EFCAB3: variants seen among roughly 807,000 people sequenced by gnomAD.
EFCAB3 encodes EF-hand calcium-binding domain-containing protein 3.
Under a neutral mutation model 42.2 loss-of-function variants are expected in EFCAB3, and 36 were observed. The ratio of observed to expected loss-of-function variants is 0.85; its 90% CI spans 0.65 to 1.13. EFCAB3 has a LOEUF of 1.13. Ranked by LOEUF, EFCAB3 falls within the 50% of genes most tolerant of loss-of-function variation. The pLI, the probability that EFCAB3 is intolerant of heterozygous loss-of-function variation, is 0.00. For missense variants in EFCAB3, 418 were observed against 505.1 expected (o/e 0.83, Z 1.65); for synonymous variants, 170 against 172.8 (o/e 0.98, Z 0.13).
At chr17:62,384,360 G>A (rs186757954) in intron 2 of EFCAB3, among the ~76,000 whole-genome samples, 165 of 152,216 alleles carry the variant, frequency 1.1e-3, no homozygotes, top group African/African-American at 3.8e-3. Flanking sequence ...GCCTGGCCTA[G>A]CACGGTGGCT....
chr17:62,381,015 T>C (rs2070192146), intron 1 of EFCAB3, among the ~76,000 whole-genome samples: 1 of 152,208 alleles, frequency 6.6e-6, no homozygotes, highest in African/African-American at 2.4e-5. Flanking sequence ...ATTATTATTA[T>C]ACTTTAAGTT....
chr17:62,412,904 G>C (rs922616310), intron 8 of EFCAB3, among the ~76,000 whole-genome samples: 1 of 152,092 alleles, frequency 6.6e-6, no homozygotes, highest in Non-Finnish European at 1.5e-5. Context: ...AACACAACAG[G>C]AAAATGATAG....
intron 6 of EFCAB3, among the ~76,000 whole-genome samples, 160 bp downstream of exon 6, chr17:62,395,348 C>A (rs772446396): frequency 5.9e-5 from 9 of 152,114 alleles, no homozygotes; most frequent in Non-Finnish European, 1.3e-4. Flanking sequence ...CAACATGAGA[C>A]CTTATTCCCT....
intron 6 of EFCAB3, among the ~76,000 whole-genome samples, chr17:62,402,332 T>A (rs920301191): frequency 3.9e-5 from 6 of 152,188 alleles, no homozygotes; most frequent in Non-Finnish European, 5.9e-5. Flanking sequence ...CTATGTTGAA[T>A]AGGATTGGTG....
intron 1 of EFCAB3, among the ~76,000 whole-genome samples, chr17:62,372,699 C>G (rs1022205789): frequency 7.2e-5 from 11 of 152,192 alleles, no homozygotes; most frequent in African/African-American, 2.7e-4. Flanking sequence ...ATTTATCTCT[C>G]TGTATCCTGC....
At chr17:62,407,718 A>G (rs1042413829) in intron 8 of EFCAB3, among the ~76,000 whole-genome samples, 2 of 152,080 alleles carry the variant, frequency 1.3e-5, no homozygotes, top group Non-Finnish European at 2.9e-5. Context: ...CCCTCCCAGG[A>G]TATACTTTTG....
At chr17:62,395,509 T>A (rs948255098) in intron 6 of EFCAB3, among the ~76,000 whole-genome samples, 2 of 152,232 alleles carry the variant, frequency 1.3e-5, no homozygotes, top group African/African-American at 4.8e-5. Flanking sequence ...CCAGGAATAA[T>A]TTTGGGTGGG....
chr17:62,375,528 C>A (rs1234792653), intron 2 of EFCAB3, among the ~76,000 whole-genome samples: 1 of 152,206 alleles, frequency 6.6e-6, no homozygotes, highest in East Asian at 1.9e-4. Flanking sequence ...CCCACTCTCA[C>A]AAAAGCTTAG....
At chr17:62,378,861 C>T (rs58577058), upstream of EFCAB3, among the ~76,000 whole-genome samples, 115 of 151,700 alleles carry the variant, frequency 7.6e-4, no homozygotes, top group African/African-American at 2.7e-3. Context: ...CCGCATGGCA[C>T]GTGTATACCT....
intron 9 of EFCAB3, among the ~76,000 whole-genome samples, chr17:62,415,247 C>A (rs752803691): frequency 6.6e-6 from 1 of 152,178 alleles, no homozygotes; most frequent in Non-Finnish European, 1.5e-5. Context: ...TGCTAATGAT[C>A]CAACATGAAG....
intron 8 of EFCAB3, among the ~76,000 whole-genome samples, chr17:62,411,852 G>A (rs897199214): frequency 1.0e-5 from 1 of 97,308 alleles, no homozygotes; most frequent in African/African-American, 3.7e-5. Flanking sequence ...AAGGAAGGAA[G>A]GAAAGAAGGA....
chr17:62,388,481 A>G (rs1032621048), intron 3 of EFCAB3, among the ~76,000 whole-genome samples: 1 of 152,206 alleles, frequency 6.6e-6, no homozygotes. Flanking sequence ...AAATTCAAAG[A>G]AGTCAAGTGT....
chr17:62,381,885 G>A (rs751998572), intron 1 of EFCAB3: 2 of 413,520 alleles, frequency 4.8e-6, no homozygotes, highest in Non-Finnish European at 9.8e-6. Context: ...GGCTGTGGCT[G>A]TCTCTGCTGC....
chr17:62,402,614 C>G (rs953127274), intron 6 of EFCAB3, among the ~76,000 whole-genome samples: 2 of 152,244 alleles, frequency 1.3e-5, no homozygotes, highest in East Asian at 1.9e-4. Context: ...ATATGTTGAA[C>G]CAGCCTTGCA....
intron 2 of EFCAB3, among the ~76,000 whole-genome samples, chr17:62,374,994 G>A (rs1217577726): frequency 6.6e-6 from 1 of 152,148 alleles, no homozygotes; most frequent in East Asian, 1.9e-4. Context: ...TACACCTGTA[G>A]TTCCAGCTAC....
At chr17:62,380,286 G>A (rs565496432), upstream of EFCAB3, among the ~76,000 whole-genome samples, 1 of 152,296 alleles carries the variant, frequency 6.6e-6, no homozygotes, top group East Asian at 1.9e-4. Context: ...ACAGGCATGA[G>A]CCACCACACC....
At chr17:62,386,577 T>C (rs1221763600) in intron 2 of EFCAB3, among the ~76,000 whole-genome samples, 1 of 152,186 alleles carries the variant, frequency 6.6e-6, no homozygotes, top group African/African-American at 2.4e-5. Flanking sequence ...GGCTGAGAAT[T>C]GGAGCCAGCA....
At chr17:62,386,302 A>C (rs2144067691) in intron 2 of EFCAB3, among the ~76,000 whole-genome samples, 1 of 152,312 alleles carries the variant, frequency 6.6e-6, no homozygotes, top group Non-Finnish European at 1.5e-5. Context: ...GAAAGTATTA[A>C]TATGTTCCTG....
intron 4 of EFCAB3, among the ~76,000 whole-genome samples, chr17:62,392,488 G>A (rs1171602742): frequency 1.3e-5 from 2 of 152,118 alleles, no homozygotes; most frequent in African/African-American, 4.8e-5. Context: ...CAGTAACAAT[G>A]TTAATAATGA....
Sources: allele counts gnomAD v4.1 joint callset (sites outside exome capture counted in the v4.1 genomes callset), GRCh38; gene constraint gnomAD v4.1.1; transcripts MANE v1.5; gene names NCBI Gene and HGNC (gene_info 2026-07-23, HGNC 2026-07-21).